The following PCDHGB3 variants were observed in gnomAD, a reference collection of about 807,000 sequenced individuals.
The protein encoded by PCDHGB3 is protocadherin gamma-B3.
A neutral mutation model predicts 59.2 loss-of-function variants in PCDHGB3; 40 were observed. The ratio of observed to expected loss-of-function variants is 0.68; its 90% CI spans 0.52 to 0.88. The LOEUF (loss-of-function observed/expected upper bound fraction) is 0.88. Among genes scored for constraint, PCDHGB3 ranks in the 40% least tolerant of loss-of-function variants. The probability of loss-of-function intolerance (pLI) is 0.00; values close to 1 mark genes in which losing one functional copy is unlikely to be tolerated. For missense variants in PCDHGB3, 1,309 were observed against 1,187.9 expected (o/e 1.10, Z -1.50); for synonymous variants, 581 against 503.6 (o/e 1.15, Z -2.06).
chr5:141,437,938 A>G (rs1042890704), intron 1 of PCDHGB3, among the ~76,000 whole-genome samples: 4 of 152,132 alleles, frequency 2.6e-5, no homozygotes, highest in African/African-American at 9.7e-5. Flanking sequence ...GGGTTTCACC[A>G]TATTGGCCAG....
In PCDHGB3 at chr5:141,497,558, TA is replaced by T. The variant is rs543126612; in HGVS notation, c.2474+2694del. 6.7e-3 allele frequency among the ~76,000 whole-genome samples: 979 copies of T among 145,038 alleles called. 16 individuals carry two copies. Among genetic ancestry groups the T allele is most frequent in the African/African-American group, 0.024 (931 of 38,872 alleles). On this transcript the variant is annotated intron_variant, in intron 2 of 3. Coordinates refer to ENST00000576222, the MANE Select transcript of PCDHGB3 (RefSeq NM_018924.5). The stretch of plus-strand genomic sequence containing the variant: ...AACAAACCTTTTTTTTTTTTTTTTT[TA>T]GACAGAGTCTTGCTCTGTTGCCCAA...
At chr5:141,410,085 C>T (rs533911183) in intron 1 of PCDHGB3, 29 of 1,612,476 alleles carry the variant, frequency 1.8e-5, no homozygotes, top group South Asian at 1.1e-5. Flanking sequence ...GAGGTGCGCA[C>T]GGCTCGAGCC....
In PCDHGB3 at chr5:141,370,660, G is replaced by A. The variant is rs199537402; in HGVS notation, c.266G>A (p.Arg89His). 3.1e-6 allele frequency: 5 copies of A among 1,613,752 alleles called. No individual in the cohort carries two copies. The Admixed American group carries it at 5.0e-5, about 16-fold the overall frequency. ...AATGGGAACTTACTTGTGAGCGACC[G>A]TATAGACCGAGAGGAGATTTGTGGC... ...PENGNLLVSD[R>H]IDREEICGKK... Residue 89 changes from arginine (R) to histidine (H), a missense_variant, in exon 1 of 4, where the codon CGT becomes CAT. By Grantham distance (29) the Arg-to-His change is conservative. Transcript: ENST00000576222.
At chr5:141,427,898 C>A (rs2154552434) in intron 1 of PCDHGB3, 1 of 1,570,872 alleles carries the variant, frequency 6.4e-7, no homozygotes, top group Non-Finnish European at 8.7e-7. Context: ...AGGGCTCGCC[C>A]GCGCTCAGCG....
At position 141,491,134 on chromosome 5, in the gene PCDHGB3, C is replaced by T. The variant is rs1594979273; in HGVS notation, c.2416-3673C>T. Reference sequence around the variant, plus strand: ...ACACACTGGTGAGGTGCGCACAGCCCGGGCCTTACTGGAGGATGACTCTGA... The same window carrying T: ...ACACACTGGTGAGGTGCGCACAGCCTGGGCCTTACTGGAGGATGACTCTGA... On this transcript the variant is annotated intron_variant, in intron 1 of 3. Transcript: ENST00000576222. The surrounding 1 kb of genome is among the most constrained non-coding windows in gnomAD (Gnocchi z 6.9). The T allele has an allele frequency of 6.2e-7, 1 of 1,614,138 alleles. No homozygotes were observed. Among genetic ancestry groups the T allele is most frequent in the Non-Finnish European group, 8.5e-7 (1 of 1,179,994 alleles).
At chr5:141,421,955 T>A in intron 1 of PCDHGB3, 1 of 1,612,914 alleles carries the variant, frequency 6.2e-7, no homozygotes, top group South Asian at 1.1e-5. Context: ...ATCCCAATGT[T>A]TACACAGTCC....
intron 1 of PCDHGB3, among the ~76,000 whole-genome samples, chr5:141,436,701 A>C (rs571525375): frequency 6.9e-4 from 105 of 152,332 alleles, no homozygotes; most frequent in Non-Finnish European, 9.4e-4. Context: ...ATGCCAGCAC[A>C]CTCGATGTTC....
intron 1 of PCDHGB3, among the ~76,000 whole-genome samples, chr5:141,381,246 A>G (rs2150176708): frequency 6.6e-6 from 1 of 152,374 alleles, no homozygotes; most frequent in Non-Finnish European, 1.5e-5. Context: ...TCCAGGACCT[A>G]GAAGAATTTA....
intron 1 of PCDHGB3, chr5:141,383,477 A>T: frequency 6.2e-7 from 1 of 1,613,722 alleles, no homozygotes; most frequent in Non-Finnish European, 8.5e-7. Context: ...AAGTACCCGG[A>T]ACTGGTGCTG....
chr5:141,436,383 G>A (rs1374382672), intron 1 of PCDHGB3, among the ~76,000 whole-genome samples: 1 of 152,104 alleles, frequency 6.6e-6, no homozygotes, highest in Admixed American at 6.5e-5. Flanking sequence ...AGCTGAATAG[G>A]CTTTATTAAA....
chr5:141,492,616 G>C (rs976681246), intron 1 of PCDHGB3, among the ~76,000 whole-genome samples: 2 of 152,252 alleles, frequency 1.3e-5, no homozygotes, highest in African/African-American at 4.8e-5. Context: ...CTAAGTGCCG[G>C]GCGGGCAGGA....
intron 1 of PCDHGB3, chr5:141,418,820 G>A: frequency 6.2e-7 from 1 of 1,613,918 alleles, no homozygotes. Flanking sequence ...AAACATAGAA[G>A]CAAAAGACCG....
chr5:141,436,998 A>G (rs985067199), intron 1 of PCDHGB3, among the ~76,000 whole-genome samples: 23 of 152,242 alleles, frequency 1.5e-4, no homozygotes, highest in South Asian at 2.1e-4. Flanking sequence ...GTTTACTTCA[A>G]TGGGATCTTA....
intron 1 of PCDHGB3, chr5:141,389,025 A>C: frequency 6.2e-7 from 1 of 1,613,992 alleles, no homozygotes; most frequent in Non-Finnish European, 8.5e-7. Flanking sequence ...TGGAGAAGTG[A>C]CTTGTAAATT....
rs61612330 is a variant in PCDHGB3 at position 141,454,796 on chromosome 5, A to ATTTTTTTTTT, written c.2416-39991_2416-39982dup. Among the ~76,000 whole-genome samples, 264 of 77,454 alleles carry ATTTTTTTTTT rather than the reference A, an allele frequency of 3.4e-3. 39 individuals carry two copies. Among genetic ancestry groups the ATTTTTTTTTT allele is most frequent in the African/African-American group, 0.012 (196 of 16,878 alleles). 50.8% of individuals were successfully genotyped at this position (77,454 alleles called of 152,430 possible). A position where few individuals can be genotyped will look rare whatever the true frequency, so the allele number is the denominator to read the frequency against. ...AAGGAAATAATCCTCCATGGTTCTA[A>ATTTTTTTTTT]TTTTTTTTTTTTTTTTTTTTTTTTT... On this transcript the variant is annotated intron_variant, in intron 1 of 3. Transcript: ENST00000576222.
At chr5:141,385,414 A>G in intron 1 of PCDHGB3, 1 of 1,472,092 alleles carries the variant, frequency 6.8e-7, no homozygotes. Context: ...GAAAATAGGG[A>G]TTTAAAAAAC....
At chr5:141,506,668 C>A (rs2099855518) in intron 3 of PCDHGB3, among the ~76,000 whole-genome samples, 1 of 152,100 alleles carries the variant, frequency 6.6e-6, no homozygotes, top group Admixed American at 6.6e-5. Context: ...AGTAAGGGCA[C>A]AATATATTAT....
At position 141,399,297 on chromosome 5, in the gene PCDHGB3, T is replaced by G. The variant is rs370898446; in HGVS notation, c.2415+26488T>G. On this transcript the variant is annotated intron_variant, in intron 1 of 3. Transcript: ENST00000576222. The stretch of plus-strand genomic sequence containing the variant: ...TACAAGGCGAAGTCCCTTTTAAGAT[T>G]ATCTCTTCATCCAAAAATTCGTATA... 14 of 1,613,948 alleles carry G rather than the reference T, an allele frequency of 8.7e-6. No individual in the cohort carries two copies. The East Asian group carries it at 2.9e-4, about 33-fold the overall frequency.
intron 1 of PCDHGB3, among the ~76,000 whole-genome samples, chr5:141,480,400 G>A (rs1364147575): frequency 6.8e-6 from 1 of 146,550 alleles, no homozygotes; most frequent in Non-Finnish European, 1.5e-5. Context: ...TGGCAATAGA[G>A]TGAGACCCTG....
Sources: allele counts gnomAD v4.1 joint callset (sites outside exome capture counted in the v4.1 genomes callset), GRCh38; gene constraint gnomAD v4.1.1; non-coding constraint Gnocchi (gnomAD v3.1); transcripts MANE v1.5; gene names NCBI Gene and HGNC (gene_info 2026-07-23, HGNC 2026-07-21).